The following PISD variants were observed in gnomAD, a reference collection of about 807,000 sequenced individuals.
PISD encodes phosphatidylserine decarboxylase, also known as phosphatidylserine decarboxylase proenzyme, mitochondrial.
PISD carries 31 observed loss-of-function variants against 43.5 expected under a neutral mutation model. The ratio of observed to expected loss-of-function variants is 0.71; its 90% CI spans 0.54 to 0.96. The LOEUF (loss-of-function observed/expected upper bound fraction) is 0.96, where lower values mean the gene tolerates loss of function less well. Among genes scored for constraint, PISD ranks in the 40% least tolerant of loss-of-function variants. The probability of loss-of-function intolerance (pLI) is 0.00; values close to 1 mark genes in which losing one functional copy is unlikely to be tolerated. For synonymous variants in PISD, 259 were observed against 228.7 expected (o/e 1.13, Z -1.20); for missense variants, 523 against 548.4 (o/e 0.95, Z 0.46).
Position 31,662,146 on chromosome 22 carries a change from G to C in PISD, c.63C>G (p.Ser21Arg). The C allele has an allele frequency of 1.9e-6, 3 of 1,607,398 alleles. No homozygotes were observed. The South Asian group carries it at 3.3e-5, about 18-fold the overall frequency. Reference protein sequence around the residue: ...GLLHGVAPWRSSLHPCEITAL... With the variant: ...GLLHGVAPWRRSLHPCEITAL... ...GTAGTCTCTCCGCGCTGCTATACCT[G>C]CTCCGCCACGGCGCGACCCCGTGCA... The change falls in exon 1 of 8, where the codon AGC becomes AGG. Residue 21 changes from serine (S) to arginine (R), a missense_variant and splice_region_variant. Coordinates refer to ENST00000439502, the MANE Select transcript of PISD (RefSeq NM_001326411.2).
chr22:31,640,108 G>A (rs559879513), intron 3 of PISD, among the ~76,000 whole-genome samples: 1 of 152,088 alleles, frequency 6.6e-6, no homozygotes, highest in East Asian at 1.9e-4. Context: ...CACACTCCAC[G>A]CGACGGGGCT....
At chr22:31,661,346 C>T (rs2074311916) in intron 1 of PISD, among the ~76,000 whole-genome samples, 1 of 152,118 alleles carries the variant, frequency 6.6e-6, no homozygotes, top group East Asian at 1.9e-4. Context: ...TCTCTCAAAT[C>T]TTAGCTCTTT....
intron 1 of PISD, among the ~76,000 whole-genome samples, chr22:31,653,237 T>C (rs1487613677): frequency 6.6e-6 from 1 of 152,112 alleles, no homozygotes; most frequent in Admixed American, 6.6e-5. Flanking sequence ...TTCTGAACAA[T>C]GTTCATTTCT....
At chr22:31,642,662 G>A (rs1331739492) in intron 3 of PISD, among the ~76,000 whole-genome samples, 1 of 149,960 alleles carries the variant, frequency 6.7e-6, no homozygotes, top group Non-Finnish European at 1.5e-5. Context: ...GCGTGGTGGT[G>A]CGCGCACCTG....
At chr22:31,657,457 T>C (rs1483635284) in intron 1 of PISD, among the ~76,000 whole-genome samples, 1 of 151,946 alleles carries the variant, frequency 6.6e-6, no homozygotes, top group Non-Finnish European at 1.5e-5. Context: ...TTAAATGTAA[T>C]AATTTTAAAT....
intron 1 of PISD, among the ~76,000 whole-genome samples, chr22:31,651,534 A>G (rs1217852943): frequency 6.6e-6 from 1 of 152,036 alleles, no homozygotes; most frequent in Non-Finnish European, 1.5e-5. Context: ...AGATCACCTG[A>G]GGTTGGGAGT....
chr22:31,642,881 T>A (rs59319463), intron 3 of PISD, among the ~76,000 whole-genome samples: 1,525 of 150,916 alleles, frequency 0.01, 26 homozygotes, highest in African/African-American at 0.036. Flanking sequence ...GGCGGGCGGA[T>A]CACCTGAGGT....
chr22:31,628,241 G>A, intron 3 of PISD: 1 of 966,552 alleles, frequency 1.0e-6, no homozygotes. Context: ...GCGCCTAGAG[G>A]TTGCTGCCTT....
intron 3 of PISD, 81 bp from the exon 4 acceptor site, chr22:31,621,966 C>G: frequency 4.6e-6 from 5 of 1,077,330 alleles, no homozygotes; most frequent in African/African-American, 1.5e-5. Flanking sequence ...TAGCCCAGCT[C>G]TCACTTCAGG....
At chr22:31,652,971 A>G (rs928309441) in intron 1 of PISD, among the ~76,000 whole-genome samples, 3 of 149,988 alleles carry the variant, frequency 2.0e-5, no homozygotes, top group Non-Finnish European at 4.4e-5. Flanking sequence ...CCCAGGAGGC[A>G]GAGGTTACAG....
rs2073154176 is a variant in PISD, at chr22:31,630,518, G to GT, written c.322-8634dup. The GT allele has an allele frequency of 5.9e-6, 1 of 168,120 alleles. No individual in the cohort carries two copies. Among genetic ancestry groups the GT allele is most frequent in the Non-Finnish European group, 1.2e-5 (1 of 82,668 alleles). 10.4% of individuals were successfully genotyped at this position (168,120 alleles called of 1,614,324 possible). On this transcript the variant is annotated intron_variant, in intron 3 of 7. Transcript: ENST00000439502. This position sits in a 1 kb window ranked among gnomAD's most constrained non-coding sequence, Gnocchi z 4.4. The stretch of plus-strand genomic sequence containing the variant: ...ACTTCCCGTACGCTCTTCACTTCCC[G>GT]TACCCGCGCCCGGCAGGAGATAAGA...
chr22:31,646,428 C>T (rs2073889911), intron 3 of PISD, among the ~76,000 whole-genome samples: 1 of 152,172 alleles, frequency 6.6e-6, no homozygotes, highest in Non-Finnish European at 1.5e-5. Context: ...CTCTTTACAA[C>T]CATCTTCCAG....
At position 31,655,353 on chromosome 22, in the gene PISD, C is replaced by T. The variant is rs547199951; in HGVS notation, c.66-4575G>A. 2.2e-3 allele frequency among the ~76,000 whole-genome samples: 332 copies of T among 151,246 alleles called. 1 individual carries two copies. Among genetic ancestry groups the T allele is most frequent in the African/African-American group, 7.3e-3 (302 of 41,090 alleles). ...TTCCCAGAGATGGGGTCTCGCTTTG[C>T]TGCCCAGGCTCAAGTGCAGTGGCAT... is the stretch of plus-strand genomic sequence containing the variant. On this transcript the variant is annotated intron_variant, in intron 1 of 7. Coordinates refer to ENST00000439502, the MANE Select transcript of PISD (RefSeq NM_001326411.2).
chr22:31,634,851 A>AC (rs1440437747), intron 3 of PISD, among the ~76,000 whole-genome samples: 1 of 150,566 alleles, frequency 6.6e-6, no homozygotes. Flanking sequence ...AAAAAAAAAA[A>AC]AAAATAGAAA....
intron 2 of PISD, 70 bp from the exon 3 acceptor site, chr22:31,648,346 C>A (rs1191191875): frequency 1.5e-6 from 2 of 1,377,510 alleles, no homozygotes; most frequent in African/African-American, 1.4e-5. Flanking sequence ...AAACACAGCA[C>A]CAACAGGAGG....
chr22:31,645,710 T>A (rs1340370743), intron 3 of PISD, among the ~76,000 whole-genome samples: 9 of 149,276 alleles, frequency 6.0e-5, no homozygotes, highest in African/African-American at 2.0e-4. Context: ...AATATAAAAA[T>A]TAGCTGGGCA....
intron 2 of PISD, among the ~76,000 whole-genome samples, chr22:31,649,010 T>G (rs1407753119): frequency 6.6e-6 from 1 of 152,170 alleles, no homozygotes; most frequent in Non-Finnish European, 1.5e-5. Context: ...GATCAGGCAC[T>G]GGTATTCTCT....
chr22:31,624,404 G>A (rs1233538569), intron 3 of PISD, among the ~76,000 whole-genome samples: 2 of 152,172 alleles, frequency 1.3e-5, no homozygotes, highest in African/African-American at 4.8e-5. Flanking sequence ...TGCAGGATCT[G>A]GGATATCCTT....
Position 31,621,337 on chromosome 22 carries a change from G to T in PISD, c.694C>A (p.Pro232Thr), listed in dbSNP as rs950840427. 15 of 1,613,940 alleles carry T rather than the reference G, an allele frequency of 9.3e-6. No individual in the cohort carries two copies. In the East Asian group the frequency reaches 3.3e-4, roughly 36 times the overall value. ...RMCTEDLPFPPAASCDSFKNQ... is the reference protein window; with the variant it reads ...RMCTEDLPFPTAASCDSFKNQ... ...CCCCGCCTGTGCAGTGACCCACCTG[G>T]TGGGAAGGGCAGGTCCTCTGTGCAC... Residue 232 changes from proline to threonine, a missense_variant, in exon 5 of 8, where the codon CCA becomes ACA. Physicochemically the swap from Pro to Thr is conservative, Grantham distance 38 (BLOSUM62 -1). Coordinates refer to ENST00000439502, the MANE Select transcript of PISD (RefSeq NM_001326411.2).
Sources: allele counts gnomAD v4.1 joint callset (sites outside exome capture counted in the v4.1 genomes callset), GRCh38; gene constraint gnomAD v4.1.1; non-coding constraint Gnocchi (gnomAD v3.1); transcripts MANE v1.5; gene names NCBI Gene and HGNC (gene_info 2026-07-23, HGNC 2026-07-21).